Variants in RFTN1 observed in about 807,000 individuals in gnomAD.
The protein encoded by RFTN1 is raftlin, lipid raft linker 1.
Under a neutral mutation model 46.5 loss-of-function variants are expected in RFTN1, and 26 were observed. The observed-to-expected ratio is 0.56, with a 90% CI of 0.41 to 0.78. RFTN1 has a LOEUF of 0.78. Ranked by LOEUF, RFTN1 falls within the 30% of genes least tolerant of loss-of-function variation. The probability of loss-of-function intolerance (pLI) is 0.00; values close to 1 mark genes in which losing one functional copy is unlikely to be tolerated. For synonymous variants in RFTN1, 261 were observed against 284.2 expected (o/e 0.92, Z 0.82); for missense variants, 693 against 718.7 (o/e 0.96, Z 0.41).
At chr3:16,357,180 A>G (rs1559854680) in intron 7 of RFTN1, among the ~76,000 whole-genome samples, 1 of 152,102 alleles carries the variant, frequency 6.6e-6, no homozygotes, top group Admixed American at 6.5e-5. Context: ...TCAGTTCTCT[A>G]TGTCCAAATA....
intron 7 of RFTN1, chr3:16,347,652 C>G (rs1044193778): frequency 2.0e-5 from 3 of 152,272 alleles, no homozygotes; most frequent in Admixed American, 2.0e-4. Flanking sequence ...ACACCACCTC[C>G]TCTCTGGAAG....
At chr3:16,377,203 GCA>G (rs1174474036) in intron 5 of RFTN1, among the ~76,000 whole-genome samples, 1 of 152,042 alleles carries the variant, frequency 6.6e-6, no homozygotes, top group African/African-American at 2.4e-5. Flanking sequence ...GAAAGACCAA[GCA>G]GAGAGGCGTG....
At position 16,381,205 on chromosome 3, in the gene RFTN1, A is replaced by C. The variant is rs2073980811; in HGVS notation, c.442-3103T>G. 6.6e-6 allele frequency among the ~76,000 whole-genome samples: 1 copy of C among 152,244 alleles called. No homozygotes were observed. Among genetic ancestry groups the C allele is most frequent in the Admixed American group, 6.5e-5 (1 of 15,290 alleles). ...ACACATACATAAACTATGCATAAAA[A>C]CAGTCACCAAAATGAAAACAGCACT... On this transcript the variant is annotated intron_variant, in intron 4 of 9. Coordinates refer to ENST00000334133, the MANE Select transcript of RFTN1 (RefSeq NM_015150.2). This position sits in a 1 kb window ranked among gnomAD's most constrained non-coding sequence, Gnocchi z 4.2.
At position 16,342,203 on chromosome 3, in the gene RFTN1, C is replaced by T. The variant is rs1451805172; in HGVS notation, c.1147-15327G>A. 6.6e-6 allele frequency among the ~76,000 whole-genome samples: 1 copy of T among 150,952 alleles called. No homozygotes were observed. The highest frequency in any genetic ancestry group is 1.5e-5 in the Non-Finnish European group (1 of 67,672). On this transcript the variant is annotated intron_variant, in intron 7 of 9. Coordinates refer to ENST00000334133, the MANE Select transcript of RFTN1 (RefSeq NM_015150.2). This position sits in a 1 kb window ranked among gnomAD's most constrained non-coding sequence, Gnocchi z 4.0. ...TACCTATTAGCAGTCACTCCCCTTT[C>T]CCCCCACCCACCCCGAGGCAACCAC... is the stretch of plus-strand genomic sequence containing the variant.
Position 16,507,766 on chromosome 3 carries a change from AAC to A in RFTN1, c.-9+5674_-9+5675del, listed in dbSNP as rs1284326829. Among the ~76,000 whole-genome samples the A allele has an allele frequency of 2.0e-5, 3 of 150,560 alleles. No individual in the cohort carries two copies. The highest frequency in any genetic ancestry group is 6.6e-5 in the Admixed American group (1 of 15,108). On this transcript the variant is annotated intron_variant, in intron 1 of 9. Transcript: ENST00000334133. This position sits in a 1 kb window ranked among gnomAD's most constrained non-coding sequence, Gnocchi z 7.1. ...ATACATGCACACTCACATACACACA[AAC>A]ACACACATACACTCACATACACACA...
rs2073470647 is a variant in RFTN1 at position 16,370,891 on chromosome 3, A to G, written c.827-612T>C. 1.3e-5 allele frequency: 2 copies of G among 152,706 alleles called. No individual in the cohort carries two copies. The highest frequency in any genetic ancestry group is 4.8e-5 in the African/African-American group (2 of 41,466). The allele number at this position is 152,706 out of a possible 1,614,324, so 9.5% of individuals were successfully genotyped here. A position where few individuals can be genotyped will look rare whatever the true frequency, so the allele number is the denominator to read the frequency against. The stretch of plus-strand genomic sequence containing the variant: ...AGTGGCAGGTCGGTCCAAACAGCCA[A>G]GAAGGCACAGGGGATGAGGCGCTGA... On this transcript the variant is annotated intron_variant, in intron 5 of 9. Transcript: ENST00000334133. The surrounding 1 kb of genome is among the most constrained non-coding windows in gnomAD (Gnocchi z 5.5).
chr3:16,342,252 A>T lies in RFTN1; in HGVS notation c.1147-15376T>A, dbSNP rs2071366850. Reference sequence around the variant, plus strand: ...ACGAGTCCACTTTTTGTCTCTATGCACTTGCCTCACCTGGATATTTCATAT... The same window carrying T: ...ACGAGTCCACTTTTTGTCTCTATGCTCTTGCCTCACCTGGATATTTCATAT... On this transcript the variant is annotated intron_variant, in intron 7 of 9. Coordinates refer to ENST00000334133, the MANE Select transcript of RFTN1 (RefSeq NM_015150.2). This position sits in a 1 kb window ranked among gnomAD's most constrained non-coding sequence, Gnocchi z 4.0. Among the ~76,000 whole-genome samples, 1 of 150,980 alleles carries T rather than the reference A, an allele frequency of 6.6e-6. No homozygotes were observed. Among genetic ancestry groups the T allele is most frequent in the African/African-American group, 2.4e-5 (1 of 40,902 alleles).
chr3:16,392,218 A>G (rs2074368709), intron 4 of RFTN1, among the ~76,000 whole-genome samples: 1 of 152,200 alleles, frequency 6.6e-6, no homozygotes, highest in Non-Finnish European at 1.5e-5. Context: ...TAATTCTGTC[A>G]CACTGATTCT....
rs2075784051 is a variant in RFTN1, at chr3:16,449,247, A to C, written c.146-15210T>G. On this transcript the variant is annotated intron_variant, in intron 2 of 9. Coordinates refer to ENST00000334133, the MANE Select transcript of RFTN1 (RefSeq NM_015150.2). The surrounding 1 kb of genome is among the most constrained non-coding windows in gnomAD (Gnocchi z 5.1). ...AGGCAAATAAAGAACAGAAATCTGG[A>C]ATTGAATTATAGGAGAGAAAGCTGA... is the stretch of plus-strand genomic sequence containing the variant. 6.6e-6 allele frequency among the ~76,000 whole-genome samples: 1 copy of C among 152,322 alleles called. No individual in the cohort carries two copies. Among genetic ancestry groups the C allele is most frequent in the East Asian group, 1.9e-4 (1 of 5,188 alleles).
intron 2 of RFTN1, among the ~76,000 whole-genome samples, chr3:16,488,492 A>G (rs1435354926): frequency 2.0e-5 from 3 of 152,230 alleles, no homozygotes; most frequent in African/African-American, 7.2e-5. Flanking sequence ...TATTTGCCTA[A>G]GAGTCAAATA....
In RFTN1 at chr3:16,425,661, G is replaced by A. The variant is rs1427044645; in HGVS notation, c.332+8190C>T. ...AACTCGGCAAGCCATTTAGGAGTGT[G>A]GATTGGAAAAAATTCTTTCCCCCAA... On this transcript the variant is annotated intron_variant, in intron 3 of 9. Coordinates refer to ENST00000334133, the MANE Select transcript of RFTN1 (RefSeq NM_015150.2). The surrounding 1 kb of genome is among the most constrained non-coding windows in gnomAD (Gnocchi z 4.3). Among the ~76,000 whole-genome samples the A allele has an allele frequency of 6.6e-6, 1 of 151,930 alleles. No homozygotes were observed. The highest frequency in any genetic ancestry group is 1.5e-5 in the Non-Finnish European group (1 of 67,986).
intron 1 of RFTN1, among the ~76,000 whole-genome samples, chr3:16,508,407 T>C (rs949833663): frequency 3.9e-5 from 6 of 152,202 alleles, no homozygotes; most frequent in Admixed American, 2.6e-4. Flanking sequence ...TCCAGCTCTT[T>C]GGTTCTGGCC....
intron 1 of RFTN1, among the ~76,000 whole-genome samples, chr3:16,510,904 T>G (rs528224749): frequency 3.3e-5 from 5 of 152,182 alleles, no homozygotes; most frequent in African/African-American, 1.2e-4. Context: ...AATCCATGTA[T>G]CCATTAACAG....
At position 16,410,222 on chromosome 3, in the gene RFTN1, C is replaced by T. The variant is rs1475291052; in HGVS notation, c.333-739G>A. 2.7e-5 allele frequency among the ~76,000 whole-genome samples: 2 copies of T among 73,070 alleles called. No homozygotes were observed. Among genetic ancestry groups the T allele is most frequent in the African/African-American group, 8.3e-5 (2 of 24,044 alleles). The allele number at this position is 73,070 out of a possible 152,430, so 47.9% of individuals were successfully genotyped here. A position where few individuals can be genotyped will look rare whatever the true frequency, so the allele number is the denominator to read the frequency against. On this transcript the variant is annotated intron_variant, in intron 3 of 9. Coordinates refer to ENST00000334133, the MANE Select transcript of RFTN1 (RefSeq NM_015150.2). The surrounding 1 kb of genome is among the most constrained non-coding windows in gnomAD (Gnocchi z 4.6). ...ACAGCTTACATGTTATACACACACACACACACACACACACACACACACACA... is the reference window on the plus strand; with the variant it reads ...ACAGCTTACATGTTATACACACACATACACACACACACACACACACACACA...
In RFTN1 at chr3:16,402,287, C is replaced by A. The variant is rs1466714269; in HGVS notation, c.441+7088G>T. ...TTAACTCGACGCTTATGTATTAAGT[C>A]CTGAAGACACAACAGTAAGCAGGGT... On this transcript the variant is annotated intron_variant, in intron 4 of 9. Coordinates refer to ENST00000334133, the MANE Select transcript of RFTN1 (RefSeq NM_015150.2). The surrounding 1 kb of genome is among the most constrained non-coding windows in gnomAD (Gnocchi z 4.5). Among the ~76,000 whole-genome samples the A allele has an allele frequency of 6.6e-6, 1 of 152,152 alleles. No homozygotes were observed. The highest frequency in any genetic ancestry group is 1.5e-5 in the Non-Finnish European group (1 of 68,028).
At chr3:16,408,351 C>G (rs992509031) in intron 4 of RFTN1, among the ~76,000 whole-genome samples, 31 of 152,156 alleles carry the variant, frequency 2.0e-4, no homozygotes, top group Admixed American at 1.7e-3. Context: ...TCTCTGTATC[C>G]CAGCATCTAG....
rs2075319088 is a variant in RFTN1, at chr3:16,428,115, C to T, written c.332+5736G>A. ...TAGTGAAATTACATATACATATTTACCTTAGAAAAATCCAAACAAAAGGGA... is the reference window on the plus strand; with the variant it reads ...TAGTGAAATTACATATACATATTTATCTTAGAAAAATCCAAACAAAAGGGA... On this transcript the variant is annotated intron_variant, in intron 3 of 9. Transcript: ENST00000334133. This position sits in a 1 kb window ranked among gnomAD's most constrained non-coding sequence, Gnocchi z 4.7. Among the ~76,000 whole-genome samples the T allele has an allele frequency of 6.6e-6, 1 of 152,150 alleles. No individual in the cohort carries two copies. The highest frequency in any genetic ancestry group is 2.4e-5 in the African/African-American group (1 of 41,432).
At position 16,509,517 on chromosome 3, in the gene RFTN1, C is replaced by T. The variant is rs2076864064; in HGVS notation, c.-9+3925G>A. Among the ~76,000 whole-genome samples, 1 of 152,142 alleles carries T rather than the reference C, an allele frequency of 6.6e-6. No homozygotes were observed. Among genetic ancestry groups the T allele is most frequent in the South Asian group, 2.1e-4 (1 of 4,820 alleles). ...ATGCGTGCAAAATGTACAACAGTGC[C>T]TGGCAAAGGGTAAGCACTCAGCAAG... On this transcript the variant is annotated intron_variant, in intron 1 of 9. Transcript: ENST00000334133. This position sits in a 1 kb window ranked among gnomAD's most constrained non-coding sequence, Gnocchi z 4.9.
At chr3:16,423,040 T>A (rs2075217642) in intron 3 of RFTN1, among the ~76,000 whole-genome samples, 1 of 151,868 alleles carries the variant, frequency 6.6e-6, no homozygotes, top group Non-Finnish European at 1.5e-5. Flanking sequence ...TGGTGGTTGG[T>A]GCCTGTAGTC....
Sources: allele counts gnomAD v4.1 joint callset (sites outside exome capture counted in the v4.1 genomes callset), GRCh38; gene constraint gnomAD v4.1.1; non-coding constraint Gnocchi (gnomAD v3.1); transcripts MANE v1.5; gene names NCBI Gene and HGNC (gene_info 2026-07-23, HGNC 2026-07-21).